The following METTL16 variants were observed in gnomAD, a reference collection of about 807,000 sequenced individuals.
METTL16 encodes RNA N(6)-adenosine-methyltransferase METTL16.
A neutral mutation model predicts 57.9 loss-of-function variants in METTL16; 19 were observed. The observed-to-expected ratio is 0.33, with a 90% CI of 0.23 to 0.48. The LOEUF is 0.48. Among genes scored for constraint, METTL16 ranks in the 20% least tolerant of loss-of-function variants. METTL16 has a pLI of 0.99. For synonymous variants in METTL16, 246 were observed against 255.6 expected (o/e 0.96, Z 0.36); for missense variants, 434 against 691.5 (o/e 0.63, Z 4.18).
At chr17:2,435,240 C>T (rs1315149089) in intron 8 of METTL16, among the ~76,000 whole-genome samples, 2 of 152,066 alleles carry the variant, frequency 1.3e-5, no homozygotes, top group East Asian at 1.9e-4. Flanking sequence ...GTCAGTAGGC[C>T]TGAGATAAGT....
intron 6 of METTL16, among the ~76,000 whole-genome samples, chr17:2,452,223 A>C (rs11871981): frequency 0.065 from 9,939 of 152,198 alleles, 448 homozygotes; most frequent in Middle Eastern, 0.11. Context: ...AGCTAGTAAT[A>C]GTTAAACATG....
intron 1 of METTL16, among the ~76,000 whole-genome samples, chr17:2,508,609 C>T (rs1235370542): frequency 6.6e-6 from 1 of 152,168 alleles, no homozygotes; most frequent in Non-Finnish European, 1.5e-5. Flanking sequence ...CACCACCTCT[C>T]TGGCCCAGGT....
At chr17:2,479,803 G>C (rs1469402130) in intron 2 of METTL16, among the ~76,000 whole-genome samples, 1 of 152,120 alleles carries the variant, frequency 6.6e-6, no homozygotes, top group African/African-American at 2.4e-5. Flanking sequence ...ATGGAAGTTA[G>C]GAGATCTGGA....
intron 5 of METTL16, among the ~76,000 whole-genome samples, chr17:2,465,030 A>C (rs2067181392): frequency 6.6e-6 from 1 of 152,252 alleles, no homozygotes. Flanking sequence ...CTATCTAATA[A>C]GGAACTTGCT....
intron 3 of METTL16, among the ~76,000 whole-genome samples, chr17:2,474,304 T>C (rs2067254766): frequency 6.9e-6 from 1 of 145,422 alleles, no homozygotes; most frequent in African/African-American, 2.6e-5. Context: ...CAGGAAAAAA[T>C]ATGTAGGGTA....
At chr17:2,469,216 C>T (rs1050893142) in intron 4 of METTL16, among the ~76,000 whole-genome samples, 19 of 151,294 alleles carry the variant, frequency 1.3e-4, no homozygotes, top group South Asian at 2.1e-4. Flanking sequence ...CCAGCCTGGG[C>T]GACACAGCAA....
At chr17:2,508,298 C>T (rs1215731980) in intron 1 of METTL16, among the ~76,000 whole-genome samples, 1 of 152,148 alleles carries the variant, frequency 6.6e-6, no homozygotes, top group Admixed American at 6.5e-5. Flanking sequence ...CAGAAAAGAA[C>T]TGTTGTCTTC....
intron 6 of METTL16, among the ~76,000 whole-genome samples, chr17:2,442,994 A>T (rs2066965274): frequency 6.7e-6 from 1 of 150,204 alleles, no homozygotes; most frequent in Non-Finnish European, 1.5e-5. Flanking sequence ...CGCCCAACTA[A>T]TTTTTTTGTT....
At chr17:2,479,662 C>T (rs2067290752) in intron 2 of METTL16, among the ~76,000 whole-genome samples, 2 of 152,108 alleles carry the variant, frequency 1.3e-5, no homozygotes, top group African/African-American at 4.8e-5. Context: ...TGGAAAAATT[C>T]AATGTCCATC....
At chr17:2,436,215 C>A (rs955977096) in intron 8 of METTL16, among the ~76,000 whole-genome samples, 1 of 152,084 alleles carries the variant, frequency 6.6e-6, no homozygotes, top group Non-Finnish European at 1.5e-5. Context: ...TAGAAAATGA[C>A]AGAAAGGATA....
At chr17:2,450,716 C>T (rs959290879) in intron 6 of METTL16, among the ~76,000 whole-genome samples, 2 of 152,294 alleles carry the variant, frequency 1.3e-5, no homozygotes, top group South Asian at 4.1e-4. Flanking sequence ...CTGTCTCCTG[C>T]TTTTCTCACT....
rs536146215 is a variant in METTL16 at position 2,430,491 on chromosome 17, C to T, written c.888+7618G>A. Among the ~76,000 whole-genome samples, 6 of 146,524 alleles carry T rather than the reference C, an allele frequency of 4.1e-5. No individual in the cohort carries two copies. In the South Asian group the frequency reaches 1.3e-3, roughly 32 times the overall value. Reference sequence around the variant, plus strand: ...AGTGCAGTGGCGGGATCTCGGCTCACTGCAAGCTCCGCCTCCCGGGTTCAC... The same window carrying T: ...AGTGCAGTGGCGGGATCTCGGCTCATTGCAAGCTCCGCCTCCCGGGTTCAC... On this transcript the variant is annotated intron_variant, in intron 8 of 9. Coordinates refer to ENST00000263092, the MANE Select transcript of METTL16 (RefSeq NM_024086.4).
rs2067055178 is a variant in METTL16 at position 2,449,795 on chromosome 17, G to A, written c.729-8236C>T. ...ATACTTGCAAAACACATTTGACAAT[G>A]GACTGTATTCAGAATCTATAAAGAA... On this transcript the variant is annotated intron_variant, in intron 6 of 9. Transcript: ENST00000263092. 2.6e-5 allele frequency among the ~76,000 whole-genome samples: 4 copies of A among 152,104 alleles called. No individual in the cohort carries two copies. In the South Asian group the frequency reaches 8.3e-4, roughly 32 times the overall value.
At chr17:2,489,039 A>T (rs1469805483) in intron 2 of METTL16, among the ~76,000 whole-genome samples, 1 of 152,242 alleles carries the variant, frequency 6.6e-6, no homozygotes, top group African/African-American at 2.4e-5. Context: ...ACCCTAAGTT[A>T]ACCAAAGAAT....
At chr17:2,444,697 C>T (rs2066981198) in intron 6 of METTL16, among the ~76,000 whole-genome samples, 2 of 151,804 alleles carry the variant, frequency 1.3e-5, no homozygotes, top group African/African-American at 4.8e-5. Context: ...TGGTAAGTGC[C>T]CTACACAGAT....
intron 6 of METTL16, among the ~76,000 whole-genome samples, chr17:2,451,476 G>C (rs1426406223): frequency 6.6e-6 from 1 of 151,998 alleles, no homozygotes; most frequent in Non-Finnish European, 1.5e-5. Context: ...AAAAAATTTA[G>C]CTGGTGTGGT....
intron 8 of METTL16, among the ~76,000 whole-genome samples, chr17:2,423,887 C>G (rs562546588): frequency 1.3e-5 from 2 of 152,250 alleles, no homozygotes; most frequent in African/African-American, 2.4e-5. Context: ...CTGACAAGAA[C>G]TCTATCAGGG....
intron 2 of METTL16, among the ~76,000 whole-genome samples, chr17:2,490,370 A>G (rs190640701): frequency 1.3e-5 from 2 of 152,304 alleles, no homozygotes; most frequent in Non-Finnish European, 2.9e-5. Flanking sequence ...TTTATGCAAA[A>G]TGCTTACAGT....
Position 2,420,266 on chromosome 17 carries a change from C to A in METTL16, c.1393G>T (p.Asp465Tyr). Reference sequence around the variant, plus strand: ...CCTCCCTTTTCCTCACTCCTTTCATCCTCCGTGGGTTCCGGGTTTTCCTCC... The same window carrying A: ...CCTCCCTTTTCCTCACTCCTTTCATACTCCGTGGGTTCCGGGTTTTCCTCC... ...SQEENPEPTE[D>Y]ERSEEKGGVE... The change falls in exon 10 of 10, where the codon GAT becomes TAT. Residue 465 changes from aspartate to tyrosine, a missense_variant. Asp to Tyr is a radical substitution (Grantham distance 160). Coordinates refer to ENST00000263092, the MANE Select transcript of METTL16 (RefSeq NM_024086.4). The surrounding 1 kb of genome is among the most constrained non-coding windows in gnomAD (Gnocchi z 5.4). 1 of 1,614,020 alleles carries A rather than the reference C, an allele frequency of 6.2e-7. No homozygotes were observed. The highest frequency in any genetic ancestry group is 8.5e-7 in the Non-Finnish European group (1 of 1,180,042).
Sources: gnomAD v4.1 joint callset for allele counts (sites outside exome capture counted in the v4.1 genomes callset) on GRCh38, gnomAD v4.1.1 for gene constraint, Gnocchi (gnomAD v3.1) non-coding constraint, MANE v1.5 for transcripts, NCBI Gene and HGNC (gene_info 2026-07-23, HGNC 2026-07-21) for gene names.